Variants in ADAMTS18 observed in about 807,000 individuals in gnomAD.
The protein encoded by ADAMTS18 is ADAM metallopeptidase with thrombospondin type 1 motif 18, also known as A disintegrin and metalloproteinase with thrombospondin motifs 18.
Under a neutral mutation model 165.9 loss-of-function variants are expected in ADAMTS18, and 157 were observed. The ratio of observed to expected loss-of-function variants is 0.95; its 90% CI spans 0.83 to 1.08. The LOEUF (loss-of-function observed/expected upper bound fraction) is 1.08, where lower values mean the gene tolerates loss of function less well. Among genes scored for constraint, ADAMTS18 ranks in the 50% least tolerant of loss-of-function variants. ADAMTS18 has a pLI of 0.00. For missense variants in ADAMTS18, 2,040 were observed against 1,534.0 expected, an observed-to-expected ratio of 1.33 and a Z score of -5.51; for synonymous variants, 782 against 578.2, an observed-to-expected ratio of 1.35 and a Z score of -5.06.
chr16:77,297,271 C>A lies in ADAMTS18; in HGVS notation c.2801+18G>T. 1 of 1,614,094 alleles carries A rather than the reference C, an allele frequency of 6.2e-7. No homozygotes were observed. Among genetic ancestry groups the A allele is most frequent in the East Asian group, 2.2e-5 (1 of 44,876 alleles). On this transcript the variant is annotated intron_variant, in intron 18 of 22. Coordinates refer to ENST00000282849, the MANE Select transcript of ADAMTS18 (RefSeq NM_199355.4). ...ACAAGTACAAAACTAAACAAAAAGA[C>A]ACTTCCAAATGACTTACTAAGCCGG...
At chr16:77,430,019 G>C (rs2057719292) in intron 3 of ADAMTS18, among the ~76,000 whole-genome samples, 1 of 152,160 alleles carries the variant, frequency 6.6e-6, no homozygotes, top group East Asian at 1.9e-4. Flanking sequence ...TCAACTACTG[G>C]TATGTGGAAT....
intron 3 of ADAMTS18, among the ~76,000 whole-genome samples, chr16:77,372,182 T>C (rs142679341): frequency 9.1e-4 from 139 of 152,314 alleles, no homozygotes; most frequent in Middle Eastern, 3.4e-3. Context: ...TGTAAATTAG[T>C]ATAGCCATTA....
intron 18 of ADAMTS18, 24 bp from the exon 19 acceptor site, chr16:77,295,151 C>T: frequency 6.2e-7 from 1 of 1,613,272 alleles, no homozygotes; most frequent in Admixed American, 1.7e-5. Context: ...ACAAACATTA[C>T]CAATGAAGCC....
Position 77,319,829 on chromosome 16 carries a change from A to C in ADAMTS18, c.2532+20T>G, listed in dbSNP as rs1234810882. On this transcript the variant is annotated intron_variant, in intron 16 of 22. Coordinates refer to ENST00000282849, the MANE Select transcript of ADAMTS18 (RefSeq NM_199355.4). ...ATGTAGCAAGAAGCACTGAGAACTG[A>C]ATACACAGAAGGGGCTTACTTCAAA... is the stretch of plus-strand genomic sequence containing the variant. 1.9e-6 allele frequency: 3 copies of C among 1,613,972 alleles called. 1 individual carries two copies. The South Asian group carries it at 3.3e-5, about 18-fold the overall frequency.
In ADAMTS18 at chr16:77,349,256, C is replaced by A. The variant is rs541875908; in HGVS notation, c.1614+4477G>T. On this transcript the variant is annotated intron_variant, in intron 10 of 22. Transcript: ENST00000282849. ...CTCGGTCACACAAACCTGTCTCCCC[C>A]TTTCGGTTCCTAAATAAGATGGCTA... Among the ~76,000 whole-genome samples, 5 of 152,162 alleles carry A rather than the reference C, an allele frequency of 3.3e-5. No homozygotes were observed. In the South Asian group the frequency reaches 1.0e-3, roughly 32 times the overall value.
chr16:77,296,752 A>T (rs2055480649), intron 18 of ADAMTS18, among the ~76,000 whole-genome samples: 1 of 152,116 alleles, frequency 6.6e-6, no homozygotes, highest in African/African-American at 2.4e-5. Flanking sequence ...TCCAGTAGGC[A>T]GAGGTGGCAG....
At chr16:77,371,582 A>G (rs1567520691) in intron 3 of ADAMTS18, among the ~76,000 whole-genome samples, 1 of 152,236 alleles carries the variant, frequency 6.6e-6, no homozygotes, top group African/African-American at 2.4e-5. Context: ...TCATATACAG[A>G]AGAATGAAAT....
intron 11 of ADAMTS18, among the ~76,000 whole-genome samples, chr16:77,338,435 C>G (rs2056345358): frequency 6.6e-6 from 1 of 151,718 alleles, no homozygotes; most frequent in Non-Finnish European, 1.5e-5. Context: ...TGGAATTTCA[C>G]CATGTTGACC....
intron 3 of ADAMTS18, among the ~76,000 whole-genome samples, chr16:77,375,809 T>C (rs2056941967): frequency 6.6e-6 from 1 of 152,080 alleles, no homozygotes; most frequent in African/African-American, 2.4e-5. Flanking sequence ...ACAAGAAGCA[T>C]GACTGGAAGC....
intron 3 of ADAMTS18, among the ~76,000 whole-genome samples, chr16:77,419,159 A>AG (rs1555528282): frequency 6.6e-6 from 1 of 151,396 alleles, no homozygotes; most frequent in Non-Finnish European, 1.5e-5. Flanking sequence ...AGGGGGAAAA[A>AG]AAATCAATTA....
chr16:77,318,591 A>G (rs1242077328), intron 16 of ADAMTS18, among the ~76,000 whole-genome samples: 4 of 152,182 alleles, frequency 2.6e-5, no homozygotes, highest in African/African-American at 9.7e-5. Flanking sequence ...AGTCATGATA[A>G]CAACGATAAT....
chr16:77,317,403 G>A (rs945854916), intron 16 of ADAMTS18, among the ~76,000 whole-genome samples: 25 of 152,062 alleles, frequency 1.6e-4, no homozygotes, highest in Admixed American at 9.2e-4. Context: ...ATGCAATCTC[G>A]GCTCACTGCA....
At chr16:77,403,845 G>C (rs956989735) in intron 3 of ADAMTS18, among the ~76,000 whole-genome samples, 4 of 152,120 alleles carry the variant, frequency 2.6e-5, no homozygotes, top group African/African-American at 9.7e-5. Context: ...TTGAAAGGAA[G>C]GGACACGATG....
At chr16:77,356,979 T>C (rs1405107406) in intron 8 of ADAMTS18, among the ~76,000 whole-genome samples, 3 of 134,954 alleles carry the variant, frequency 2.2e-5, no homozygotes, top group South Asian at 4.9e-4. Context: ...AAAAGTCTTT[T>C]CTGAAATTTT....
chr16:77,374,054 A>C (rs1414105369), intron 3 of ADAMTS18, among the ~76,000 whole-genome samples: 2 of 152,120 alleles, frequency 1.3e-5, no homozygotes, highest in East Asian at 3.9e-4. Context: ...CCTCATCTCT[A>C]CTAAAAATAT....
At chr16:77,388,480 G>A (rs1420035337) in intron 3 of ADAMTS18, among the ~76,000 whole-genome samples, 2 of 152,194 alleles carry the variant, frequency 1.3e-5, no homozygotes, top group Non-Finnish European at 2.9e-5. Context: ...TCACGCCACA[G>A]ACTGGAACCA....
Position 77,334,252 on chromosome 16 carries a change from C to CATATAATATATAGTGTTATATATTAT in ADAMTS18, c.1859+1478_1859+1503dup, listed in dbSNP as rs2056248095. Among the ~76,000 whole-genome samples, 4 of 17,250 alleles carry CATATAATATATAGTGTTATATATTAT rather than the reference C, an allele frequency of 2.3e-4. 1 individual carries two copies. Among genetic ancestry groups the CATATAATATATAGTGTTATATATTAT allele is most frequent in the South Asian group, 2.1e-3 (1 of 478 alleles). 11.3% of individuals were successfully genotyped at this position (17,250 alleles called of 152,430 possible). A position where few individuals can be genotyped will look rare whatever the true frequency, so the allele number is the denominator to read the frequency against. Reference sequence around the variant, plus strand: ...ATATAATATATAGTGTTATATATTACATATAATATATAGTGTTATATATTA... The same window carrying CATATAATATATAGTGTTATATATTAT: ...ATATAATATATAGTGTTATATATTACATATAATATATAGTGTTATATATTATATATAATATATAGTGTTATATATTA... On this transcript the variant is annotated intron_variant, in intron 12 of 22. Coordinates refer to ENST00000282849, the MANE Select transcript of ADAMTS18 (RefSeq NM_199355.4).
At chr16:77,424,878 C>A (rs1193832193) in intron 3 of ADAMTS18, among the ~76,000 whole-genome samples, 2 of 152,052 alleles carry the variant, frequency 1.3e-5, no homozygotes, top group South Asian at 2.1e-4. Context: ...TTCAACAAAC[C>A]CCTACTAGCT....
chr16:77,376,726 T>A (rs997422576), intron 3 of ADAMTS18, among the ~76,000 whole-genome samples: 8 of 152,204 alleles, frequency 5.3e-5, no homozygotes, highest in African/African-American at 1.7e-4. Context: ...GTTTAATGTT[T>A]TATTCTTTAA....
Sources: allele counts gnomAD v4.1 joint callset (sites outside exome capture counted in the v4.1 genomes callset), GRCh38; gene constraint gnomAD v4.1.1; transcripts MANE v1.5; gene names NCBI Gene and HGNC (gene_info 2026-07-23, HGNC 2026-07-21).